NRG3: variants seen among roughly 807,000 people sequenced by gnomAD.
NRG3 encodes the protein pro-neuregulin-3, membrane-bound isoform.
NRG3 carries 31 observed loss-of-function variants against 66.9 expected under a neutral mutation model. The observed-to-expected ratio is 0.46, with a 90% CI of 0.35 to 0.63. The LOEUF (loss-of-function observed/expected upper bound fraction) is 0.63, where lower values mean the gene tolerates loss of function less well. Ranked by LOEUF, NRG3 falls within the 20% of genes least tolerant of loss-of-function variation. The pLI is 0.00. For missense variants in NRG3, 910 were observed against 878.9 expected (o/e 1.04, Z -0.45); for synonymous variants, 393 against 359.4 (o/e 1.09, Z -1.06).
At chr10:82,689,205 G>T (rs2054737140) in intron 2 of NRG3, among the ~76,000 whole-genome samples, 1 of 152,088 alleles carries the variant, frequency 6.6e-6, no homozygotes, top group Admixed American at 6.6e-5. Flanking sequence ...AGAGGAAAAA[G>T]GATTGAAGGA....
At chr10:82,173,550 A>G (rs1410122185) in intron 1 of NRG3, among the ~76,000 whole-genome samples, 1 of 152,094 alleles carries the variant, frequency 6.6e-6, no homozygotes, top group African/African-American at 2.4e-5. Flanking sequence ...CATTGACCAG[A>G]TGACACAATG....
chr10:82,653,884 A>C (rs2051630828), intron 2 of NRG3, among the ~76,000 whole-genome samples: 1 of 152,194 alleles, frequency 6.6e-6, no homozygotes, highest in Non-Finnish European at 1.5e-5. Context: ...TAGAAGCTTC[A>C]GCTTTTAGAA....
At chr10:82,689,046 A>G (rs1419304288) in intron 2 of NRG3, among the ~76,000 whole-genome samples, 2 of 152,178 alleles carry the variant, frequency 1.3e-5, no homozygotes, top group Non-Finnish European at 2.9e-5. Flanking sequence ...TAGAACTGTT[A>G]AGGAGGAATC....
chr10:82,165,336 T>C (rs1232201170), intron 1 of NRG3, among the ~76,000 whole-genome samples: 2 of 152,116 alleles, frequency 1.3e-5, no homozygotes, highest in Admixed American at 6.6e-5. Flanking sequence ...TCAATAATTA[T>C]TTATTTGCAG....
intron 1 of NRG3, among the ~76,000 whole-genome samples, chr10:81,879,078 G>A (rs535711915): frequency 2.6e-5 from 4 of 152,298 alleles, no homozygotes; most frequent in African/African-American, 7.2e-5. Context: ...GGAGAAAGGA[G>A]GGTTTGCAAG....
At chr10:82,381,664 CATATT>C (rs1265209567) in intron 2 of NRG3, among the ~76,000 whole-genome samples, 1 of 152,128 alleles carries the variant, frequency 6.6e-6, no homozygotes, top group African/African-American at 2.4e-5. Context: ...AAACTTTTCT[CATATT>C]TTATTTTATC....
chr10:82,109,559 GTGTGTGTGTGTGTGTGTGTA>G (rs958613418), intron 1 of NRG3, among the ~76,000 whole-genome samples: 3 of 132,110 alleles, frequency 2.3e-5, no homozygotes, highest in Non-Finnish European at 3.2e-5. Context: ...GTGTGTGTGT[GTGTGTGTGTGTGTGTGTGTA>G]TATATATATT....
Position 82,355,568 on chromosome 10 carries a change from AAG to A in NRG3, c.824-3168_824-3167del, listed in dbSNP as rs1444493655. Among the ~76,000 whole-genome samples the A allele has an allele frequency of 2.0e-5, 3 of 152,264 alleles. No homozygotes were observed. In the South Asian group the frequency reaches 6.2e-4, roughly 32 times the overall value. On this transcript the variant is annotated intron_variant, in intron 1 of 8. Coordinates refer to ENST00000372141, the MANE Select transcript of NRG3 (RefSeq NM_001010848.4). Reference sequence around the variant, plus strand: ...GTTGTAAGTGATAGAAAACCTCAGTAAGAGTGACTTGGACACAGTATGCTTAT... The same window carrying A: ...GTTGTAAGTGATAGAAAACCTCAGTAAGTGACTTGGACACAGTATGCTTAT...
chr10:82,578,778 G>C (rs1159124930), intron 2 of NRG3, among the ~76,000 whole-genome samples: 5 of 151,834 alleles, frequency 3.3e-5, no homozygotes, highest in Non-Finnish European at 7.4e-5. Flanking sequence ...ATCCCTGTGA[G>C]ATAGGTATGA....
intron 2 of NRG3, among the ~76,000 whole-genome samples, chr10:82,460,764 G>T (rs1283301321): frequency 6.6e-6 from 1 of 152,158 alleles, no homozygotes; most frequent in Non-Finnish European, 1.5e-5. Flanking sequence ...CAGTCCCTGT[G>T]TGACCCTGCT....
intron 1 of NRG3, among the ~76,000 whole-genome samples, chr10:81,902,530 A>AG (rs1844176976): frequency 6.6e-6 from 1 of 152,080 alleles, no homozygotes; most frequent in Non-Finnish European, 1.5e-5. Flanking sequence ...AGGATACGGG[A>AG]GCAGGGGATG....
chr10:82,624,960 A>T (rs1419744335), intron 2 of NRG3, among the ~76,000 whole-genome samples: 2 of 149,002 alleles, frequency 1.3e-5, no homozygotes, highest in East Asian at 3.9e-4. Flanking sequence ...GTGATGCATT[A>T]TTTGAGCCTT....
intron 1 of NRG3, among the ~76,000 whole-genome samples, chr10:81,923,395 C>CG (rs1846452078): frequency 6.6e-6 from 1 of 151,882 alleles, no homozygotes; most frequent in Non-Finnish European, 1.5e-5. Flanking sequence ...TTAGTAGAGA[C>CG]GGGGTTTCAT....
intron 1 of NRG3, among the ~76,000 whole-genome samples, chr10:81,954,309 G>C (rs1431676595): frequency 6.6e-6 from 1 of 152,024 alleles, no homozygotes; most frequent in African/African-American, 2.4e-5. Flanking sequence ...TTGAATACTG[G>C]CAGTCATGAC....
At chr10:82,794,165 G>A (rs961390611) in intron 3 of NRG3, among the ~76,000 whole-genome samples, 2 of 152,104 alleles carry the variant, frequency 1.3e-5, no homozygotes, top group Non-Finnish European at 2.9e-5. Flanking sequence ...ATAGGAAGGT[G>A]CCTCAGATAA....
chr10:82,061,393 C>T (rs184281490), intron 1 of NRG3, among the ~76,000 whole-genome samples: 23 of 152,236 alleles, frequency 1.5e-4, no homozygotes, highest in Non-Finnish European at 3.1e-4. Flanking sequence ...AATTTTAAAA[C>T]AGGTAGGGTG....
chr10:82,229,474 T>C (rs1372415437), intron 1 of NRG3, among the ~76,000 whole-genome samples: 1 of 152,104 alleles, frequency 6.6e-6, no homozygotes, highest in Non-Finnish European at 1.5e-5. Context: ...AATTAGTATA[T>C]TAGTTTGTTC....
chr10:82,495,252 A>T (rs1843512737), intron 2 of NRG3, among the ~76,000 whole-genome samples: 1 of 152,088 alleles, frequency 6.6e-6, no homozygotes, highest in Non-Finnish European at 1.5e-5. Flanking sequence ...GCTCTTTCTT[A>T]ATCATAGCTT....
intron 6 of NRG3, among the ~76,000 whole-genome samples, chr10:82,968,904 G>A (rs1851465943): frequency 6.6e-6 from 1 of 152,194 alleles, no homozygotes; most frequent in Admixed American, 6.5e-5. Context: ...ATGGTGGAAG[G>A]TGGAAAGCAC....
Sources: allele counts gnomAD v4.1 joint callset (sites outside exome capture counted in the v4.1 genomes callset), GRCh38; gene constraint gnomAD v4.1.1; transcripts MANE v1.5; gene names NCBI Gene and HGNC (gene_info 2026-07-23, HGNC 2026-07-21).